The following OSBPL5 variants were observed in gnomAD, a reference collection of about 807,000 sequenced individuals.
OSBPL5 encodes the protein oxysterol binding protein like 5.
A neutral mutation model predicts 111.2 loss-of-function variants in OSBPL5; 71 were observed. The ratio of observed to expected loss-of-function variants is 0.64; its 90% CI spans 0.53 to 0.78. The LOEUF is 0.78. OSBPL5 is among the 30% of genes least tolerant of loss of function. The probability of loss-of-function intolerance (pLI) is 0.00; values close to 1 mark genes in which losing one functional copy is unlikely to be tolerated. For synonymous variants in OSBPL5, 549 were observed against 513.9 expected (o/e 1.07, Z -0.93); for missense variants, 1,210 against 1,189.3 (o/e 1.02, Z -0.26).
chr11:3,092,421 G>C lies in OSBPL5; in HGVS notation c.2259+11C>G. On this transcript the variant is annotated intron_variant, in intron 19 of 21. Transcript: ENST00000263650. This position sits in a 1 kb window ranked among gnomAD's most constrained non-coding sequence, Gnocchi z 5.4. Reference sequence around the variant, plus strand: ...AAGACCAGCCCTGGGTGGGGCCTGTGGGGTGCTGACCTCGTGCCTGGGCCC... The same window carrying C: ...AAGACCAGCCCTGGGTGGGGCCTGTCGGGTGCTGACCTCGTGCCTGGGCCC... 1 of 1,571,934 alleles carries C rather than the reference G, an allele frequency of 6.4e-7. No homozygotes were observed. Among genetic ancestry groups the C allele is most frequent in the South Asian group, 1.2e-5 (1 of 85,972 alleles).
At chr11:3,114,550 T>TA (rs961620175) in intron 7 of OSBPL5, among the ~76,000 whole-genome samples, 29 of 142,506 alleles carry the variant, frequency 2.0e-4, no homozygotes, top group Admixed American at 6.4e-4. Flanking sequence ...GGGTTTGATG[T>TA]AAAAAAACAG....
chr11:3,164,084 G>A (rs1005931521), intron 1 of OSBPL5: 2 of 152,264 alleles, frequency 1.3e-5, no homozygotes, highest in Middle Eastern at 3.1e-3. Context: ...AGACCCAAGA[G>A]CATCTATCTA....
At chr11:3,111,448 A>G (rs536728352) in intron 7 of OSBPL5, among the ~76,000 whole-genome samples, 1 of 152,278 alleles carries the variant, frequency 6.6e-6, no homozygotes, top group East Asian at 1.9e-4. Context: ...TCTTAGCTAA[A>G]GTTAAGATTA....
At position 3,087,974 on chromosome 11, in the gene OSBPL5, A is replaced by G. The variant is rs2134372481; in HGVS notation, c.*231T>C. 4 of 403,924 alleles carry G rather than the reference A, an allele frequency of 9.9e-6. No individual in the cohort carries two copies. In the East Asian group the frequency reaches 1.1e-4, roughly 11 times the overall value. The allele number at this position is 403,924 out of a possible 1,614,324, so 25.0% of individuals were successfully genotyped here. ...AGCAGAAGCTGCATTTGGCTTTAGC[A>G]TTAAGGCCAGCGCTGGGCGGAAGGC... On this transcript the variant is annotated 3_prime_UTR_variant, in exon 22 of 22. Transcript: ENST00000263650.
chr11:3,122,208 T>A, intron 4 of OSBPL5, 110 bp from the exon 5 acceptor site: 1 of 1,311,942 alleles, frequency 7.6e-7, no homozygotes, highest in Non-Finnish European at 1.1e-6. Context: ...GGAGAGGAAG[T>A]AGGAGGAAGT....
chr11:3,114,684 C>T (rs1488541209), intron 7 of OSBPL5, among the ~76,000 whole-genome samples: 1 of 148,702 alleles, frequency 6.7e-6, no homozygotes, highest in Non-Finnish European at 1.5e-5. Context: ...CTGCAAGCTC[C>T]ACCTCCTGGG....
intron 7 of OSBPL5, among the ~76,000 whole-genome samples, chr11:3,116,803 C>T (rs181570841): frequency 0.011 from 1,531 of 141,722 alleles, 18 homozygotes; most frequent in Middle Eastern, 0.029. Flanking sequence ...TGCAGTGAGC[C>T]GAGATGGCGC....
intron 10 of OSBPL5, among the ~76,000 whole-genome samples, chr11:3,103,718 G>GCTGCCCCTTCCTGC (rs1857544559): frequency 2.5e-5 from 2 of 79,988 alleles, no homozygotes; most frequent in African/African-American, 8.5e-5. Flanking sequence ...CCCCTTCCAG[G>GCTGCCCCTTCCTGC]CTCTGCTGCC....
At chr11:3,120,096 C>A in intron 6 of OSBPL5, 1 of 485,492 alleles carries the variant, frequency 2.1e-6, no homozygotes, top group Non-Finnish European at 3.7e-6. Context: ...GCAGGGCAGC[C>A]CCGGGTTAGG....
intron 1 of OSBPL5, among the ~76,000 whole-genome samples, chr11:3,151,423 A>G (rs565031382): frequency 3.9e-5 from 6 of 152,306 alleles, no homozygotes; most frequent in Admixed American, 3.9e-4. Flanking sequence ...ACCAGCATGA[A>G]GAAACTGCAG....
At chr11:3,147,286 C>T (rs951566368) in intron 1 of OSBPL5, among the ~76,000 whole-genome samples, 1 of 152,210 alleles carries the variant, frequency 6.6e-6, no homozygotes, top group African/African-American at 2.4e-5. Flanking sequence ...GCGCCAGCTC[C>T]AGGACTGGAT....
rs1858424665 is a variant in OSBPL5 at position 3,121,750 on chromosome 11, C to T, written c.402+247G>A. ...GAAATGGGGTCTTTGCAGACATAAT[C>T]AGGTGAAGATGGGGCTACACTGGAG... On this transcript the variant is annotated intron_variant, in intron 5 of 21. Transcript: ENST00000263650. This position sits in a 1 kb window ranked among gnomAD's most constrained non-coding sequence, Gnocchi z 4.3. The T allele has an allele frequency of 1.8e-6, 1 of 544,654 alleles. No individual in the cohort carries two copies. Among genetic ancestry groups the T allele is most frequent in the Non-Finnish European group, 3.3e-6 (1 of 304,776 alleles). The allele number at this position is 544,654 out of a possible 1,614,324, so 33.7% of individuals were successfully genotyped here. A position where few individuals can be genotyped will look rare whatever the true frequency, so the allele number is the denominator to read the frequency against.
chr11:3,117,963 G>GTTT (rs1858267712), intron 7 of OSBPL5, among the ~76,000 whole-genome samples: 1 of 152,184 alleles, frequency 6.6e-6, no homozygotes, highest in Non-Finnish European at 1.5e-5. Flanking sequence ...GTTTGTTGTT[G>GTTT]TTTTTCTGCC....
intron 10 of OSBPL5, among the ~76,000 whole-genome samples, chr11:3,103,981 T>A (rs1857608851): frequency 6.6e-6 from 1 of 151,710 alleles, no homozygotes; most frequent in African/African-American, 2.4e-5. Context: ...TGCTTGGGAC[T>A]GACCCCCCTC....
At chr11:3,114,895 C>A (rs1381853699) in intron 7 of OSBPL5, among the ~76,000 whole-genome samples, 3 of 152,070 alleles carry the variant, frequency 2.0e-5, no homozygotes, top group African/African-American at 7.2e-5. Context: ...AGCCACCGCA[C>A]CTGGCCGACA....
rs1474081413 is a variant in OSBPL5, at chr11:3,105,106, G to GC, written c.1060-730dup. Among the ~76,000 whole-genome samples, 2 of 152,188 alleles carry GC rather than the reference G, an allele frequency of 1.3e-5. No individual in the cohort carries two copies. The highest frequency in any genetic ancestry group is 4.8e-5 in the African/African-American group (2 of 41,450). On this transcript the variant is annotated intron_variant, in intron 9 of 21. Transcript: ENST00000263650. This position sits in a 1 kb window ranked among gnomAD's most constrained non-coding sequence, Gnocchi z 5.2. ...CACTCCAGACTTGCACCTCACCGCAGCCCCAGGGAACGGGGACCCTGGTCC... is the reference window on the plus strand; with the variant it reads ...CACTCCAGACTTGCACCTCACCGCAGCCCCCAGGGAACGGGGACCCTGGTCC...
At chr11:3,091,819 G>T (rs1377614374) in intron 19 of OSBPL5, among the ~76,000 whole-genome samples, 2 of 152,186 alleles carry the variant, frequency 1.3e-5, no homozygotes, top group African/African-American at 2.4e-5. Flanking sequence ...GACGGCATCA[G>T]CTGGGGAACA....
Position 3,146,039 on chromosome 11 carries a change from T to C in OSBPL5, c.-21-16870A>G, listed in dbSNP as rs1846332194. ...GATTCACCTGGGGGCCCCTCCGCCCTGCCGGGAGCAAGCCAGACCCAGGGG... is the reference window on the plus strand; with the variant it reads ...GATTCACCTGGGGGCCCCTCCGCCCCGCCGGGAGCAAGCCAGACCCAGGGG... On this transcript the variant is annotated intron_variant, in intron 1 of 21. Transcript: ENST00000263650. This position sits in a 1 kb window ranked among gnomAD's most constrained non-coding sequence, Gnocchi z 7.8. 1 of 152,194 alleles carries C rather than the reference T, an allele frequency of 6.6e-6. No individual in the cohort carries two copies. The highest frequency in any genetic ancestry group is 1.5e-5 in the Non-Finnish European group (1 of 68,048). 9.4% of individuals were successfully genotyped at this position (152,194 alleles called of 1,614,324 possible).
chr11:3,095,129 G>A (rs977719204), intron 14 of OSBPL5, among the ~76,000 whole-genome samples: 1 of 150,886 alleles, frequency 6.6e-6, no homozygotes, highest in African/African-American at 2.5e-5. Context: ...GTGCACCCTG[G>A]CCCATGAGCA....
Sources: gnomAD v4.1 joint callset for allele counts (sites outside exome capture counted in the v4.1 genomes callset) on GRCh38, gnomAD v4.1.1 for gene constraint, Gnocchi (gnomAD v3.1) non-coding constraint, MANE v1.5 for transcripts, NCBI Gene and HGNC (gene_info 2026-07-23, HGNC 2026-07-21) for gene names.